Variants in RIMS1 observed in about 807,000 individuals in gnomAD.
RIMS1 encodes the protein regulating synaptic membrane exocytosis protein 1.
Under a neutral mutation model 214.1 loss-of-function variants are expected in RIMS1, and 83 were observed. That is an observed-to-expected ratio of 0.39 (90% confidence interval 0.32 to 0.47). RIMS1 has a LOEUF of 0.47. Among genes scored for constraint, RIMS1 ranks in the 20% least tolerant of loss-of-function variants. The probability of loss-of-function intolerance (pLI) is 0.99; values close to 1 mark genes in which losing one functional copy is unlikely to be tolerated. For missense variants in RIMS1, 2,050 were observed against 2,161.8 expected, an observed-to-expected ratio of 0.95 and a Z score of 1.03; for synonymous variants, 793 against 786.8, an observed-to-expected ratio of 1.01 and a Z score of -0.13.
intron 24 of RIMS1, 128 bp from the exon 25 acceptor site, chr6:72,290,551 G>A (rs998188010): frequency 5.0e-5 from 36 of 717,728 alleles, no homozygotes; most frequent in South Asian, 3.6e-4. Context: ...CAATAATTGC[G>A]TGATGGGTTC....
chr6:72,400,693 G>T lies in RIMS1; in HGVS notation c.5058G>T (p.Gly1686=). The T allele has an allele frequency of 6.2e-7, 1 of 1,613,298 alleles. No homozygotes were observed. Among genetic ancestry groups the T allele is most frequent in the African/African-American group, 1.3e-5 (1 of 75,018 alleles). ...ASQSSLESST[G]PPCIRS Reference sequence around the variant, plus strand: ...AGTCATCTCTGGAAAGTTCAACTGGGCCTCCCTGTATTCGATCATAGTGAA... The same window carrying T: ...AGTCATCTCTGGAAAGTTCAACTGGTCCTCCCTGTATTCGATCATAGTGAA... The change falls in exon 34 of 34, where the codon GGG becomes GGT. Residue 1686 remains glycine (G), a synonymous_variant. Transcript: ENST00000521978.
chr6:72,154,457 A>G (rs2044177909), intron 4 of RIMS1, among the ~76,000 whole-genome samples: 1 of 141,262 alleles, frequency 7.1e-6, no homozygotes, highest in African/African-American at 2.5e-5. Context: ...CAAAAAATCT[A>G]AAGACTAATG....
At chr6:72,237,751 AT>A in intron 8 of RIMS1, 71 bp from the exon 9 acceptor site, 1 of 1,076,980 alleles carries the variant, frequency 9.3e-7, no homozygotes. Flanking sequence ...AGAATGTAGG[AT>A]TAATTCCTCA....
rs112180092 is a variant in RIMS1, at chr6:72,362,435, C to T, written c.4367-28163C>T. Among the ~76,000 whole-genome samples the T allele has an allele frequency of 7.5e-3, 1,131 of 151,736 alleles. 15 individuals carry two copies. The highest frequency in any genetic ancestry group is 0.026 in the African/African-American group (1,074 of 41,396). ...GAGACAGATTTAGGTTTTACAGGGT[C>T]GGAATTTTGTGGAAAGCCCTCTTGA... On this transcript the variant is annotated intron_variant, in intron 29 of 33. Coordinates refer to ENST00000521978, the MANE Select transcript of RIMS1 (RefSeq NM_014989.7).
chr6:72,036,154 C>T (rs1819549165), intron 2 of RIMS1, among the ~76,000 whole-genome samples: 1 of 152,086 alleles, frequency 6.6e-6, no homozygotes, highest in Non-Finnish European at 1.5e-5. Flanking sequence ...ATGACTGTGG[C>T]AAAGAGTGAA....
intron 29 of RIMS1, among the ~76,000 whole-genome samples, chr6:72,341,172 G>A (rs1345371245): frequency 6.6e-6 from 1 of 152,006 alleles, no homozygotes; most frequent in East Asian, 1.9e-4. Context: ...ACAGCTTAAG[G>A]AGATTTTGGG....
At chr6:72,187,487 T>TTTC (rs1252026388) in intron 6 of RIMS1, among the ~76,000 whole-genome samples, 4 of 148,368 alleles carry the variant, frequency 2.7e-5, no homozygotes, top group Non-Finnish European at 4.5e-5. Context: ...TTGTTTTTTT[T>TTTC]TTTTTTTTGG....
Position 72,251,296 on chromosome 6 carries a change from C to A in RIMS1, c.2626C>A (p.Pro876Thr). Residue 876 changes from proline to threonine, a missense_variant, in exon 15 of 34, where the codon CCT (proline) becomes ACT (threonine). Physicochemically the swap from Pro to Thr is conservative, Grantham distance 38. This residue lies in a region of RIMS1 where 889 missense variants were observed against 885.5 expected (regional missense o/e 1.00). Coordinates refer to ENST00000521978, the MANE Select transcript of RIMS1 (RefSeq NM_014989.7). ...TCAGACACATGATGAGTCTTCACTA[C>A]CTCTGCCTCAGCCATCACCTTTCAT... ...KLQTHDESSL[P>T]LPQPSPFMPR... 6.3e-7 allele frequency: 1 copy of A among 1,599,890 alleles called. No homozygotes were observed.
intron 2 of RIMS1, among the ~76,000 whole-genome samples, chr6:72,029,608 T>G (rs1817525823): frequency 6.6e-6 from 1 of 152,156 alleles, no homozygotes; most frequent in Admixed American, 6.6e-5. Flanking sequence ...ATTTCTGTTA[T>G]TTATAAATTA....
chr6:71,956,412 AAC>A (rs1319510558), intron 1 of RIMS1, among the ~76,000 whole-genome samples: 1 of 152,176 alleles, frequency 6.6e-6, no homozygotes, highest in African/African-American at 2.4e-5. Context: ...TTACTATGTA[AAC>A]AGAGTTATTA....
At chr6:72,337,881 G>C (rs935563538) in intron 29 of RIMS1, among the ~76,000 whole-genome samples, 2 of 151,024 alleles carry the variant, frequency 1.3e-5, no homozygotes, top group East Asian at 2.0e-4. Context: ...GAGAATGATG[G>C]TTTCCAGCTT....
intron 4 of RIMS1, among the ~76,000 whole-genome samples, chr6:72,159,295 C>G (rs1257654205): frequency 7.1e-6 from 1 of 140,474 alleles, no homozygotes; most frequent in Non-Finnish European, 1.6e-5. Context: ...TGGATATTAG[C>G]CCTTTGTCAG....
chr6:72,033,890 T>C (rs576322138), intron 2 of RIMS1, among the ~76,000 whole-genome samples: 2 of 152,324 alleles, frequency 1.3e-5, no homozygotes, highest in Admixed American at 1.3e-4. Flanking sequence ...GGTTGGTTTA[T>C]AGAAATTTTT....
chr6:72,004,802 T>G (rs1377978482), intron 2 of RIMS1, among the ~76,000 whole-genome samples: 1 of 151,464 alleles, frequency 6.6e-6, no homozygotes, highest in Non-Finnish European at 1.5e-5. Context: ...TGTGAAAATT[T>G]TCTCCCATTC....
In RIMS1 at chr6:72,182,984, C is replaced by A. The variant is rs747271770; in HGVS notation, c.1513C>A (p.Gln505Lys). Reference protein sequence around the residue: ...MLRNDSLSSDQSESVRPSPPK... With the variant: ...MLRNDSLSSDKSESVRPSPPK... ...GCGGAACGACTCTTTGAGCTCAGAC[C>A]AGTCCGAGTCGGTGCGGCCGTCCCC... Residue 505 changes from glutamine (Q) to lysine (K), a missense_variant, in exon 6 of 34, where the codon CAG becomes AAG. By Grantham distance (53) the Gln-to-Lys change is moderately conservative (BLOSUM62 1). Around this residue, in one of 6 missense-constraint regions of RIMS1, gnomAD observed 882 missense variants for 828.9 expected, o/e 1.06. Transcript: ENST00000521978. 1 of 1,594,272 alleles carries A rather than the reference C, an allele frequency of 6.3e-7. No individual in the cohort carries two copies. Among genetic ancestry groups the A allele is most frequent in the South Asian group, 1.1e-5 (1 of 87,766 alleles).
intron 6 of RIMS1, among the ~76,000 whole-genome samples, chr6:72,228,573 G>T (rs1172876611): frequency 6.6e-6 from 1 of 151,840 alleles, no homozygotes; most frequent in Non-Finnish European, 1.5e-5. Context: ...TCATTTGTCA[G>T]TGAACATTGT....
At position 72,182,517 on chromosome 6, in the gene RIMS1, A is replaced by C. The variant is rs763316706; in HGVS notation, c.1046A>C (p.Glu349Ala). 1.7e-5 allele frequency: 27 copies of C among 1,584,564 alleles called. No individual in the cohort carries two copies. In the Admixed American group the frequency reaches 2.2e-4, roughly 13 times the overall value. ...AADEEKQRKEEDYQTRYRSDP... is the reference protein window; with the variant it reads ...AADEEKQRKEADYQTRYRSDP... ...GATGAGGAAAAGCAAAGAAAAGAGG[A>C]GGATTATCAGACCAGGTACCGCAGC... is the stretch of plus-strand genomic sequence containing the variant. Residue 349 changes from glutamate to alanine, a missense_variant, in exon 6 of 34, where the codon GAG (glutamate) becomes GCG (alanine). Physicochemically the swap from Glu to Ala is moderately radical, Grantham distance 107. Around this residue, in one of 6 missense-constraint regions of RIMS1, gnomAD observed 882 missense variants for 828.9 expected, o/e 1.06. Coordinates refer to ENST00000521978, the MANE Select transcript of RIMS1 (RefSeq NM_014989.7).
In RIMS1 at chr6:71,890,596, A is replaced by AAAAAAAAAAAAC. The variant is rs1554194854; in HGVS notation, c.164+3410_164+3411insAAAAAAAAAACA. ...AAAAAAAAAAAAAAAAAAAAAAAAA[A>AAAAAAAAAAAAC]ACTTCATAGAGAAAGCAGCTACTGA... On this transcript the variant is annotated intron_variant, in intron 1 of 33. Transcript: ENST00000521978. 7.0e-4 allele frequency among the ~76,000 whole-genome samples: 79 copies of AAAAAAAAAAAAC among 112,932 alleles called. 15 individuals carry two copies. Among genetic ancestry groups the AAAAAAAAAAAAC allele is most frequent in the Non-Finnish European group, 1.0e-3 (56 of 56,270 alleles). 74.1% of individuals were successfully genotyped at this position (112,932 alleles called of 152,430 possible).
At chr6:72,083,308 T>C (rs917327291) in intron 2 of RIMS1, among the ~76,000 whole-genome samples, 1 of 152,198 alleles carries the variant, frequency 6.6e-6, no homozygotes, top group Non-Finnish European at 1.5e-5. Context: ...TTTATAAATA[T>C]CAGATTTTTA....
Sources: allele counts gnomAD v4.1 joint callset (sites outside exome capture counted in the v4.1 genomes callset), GRCh38; gene constraint gnomAD v4.1.1; regional missense constraint gnomAD v4.1.1; transcripts MANE v1.5; gene names NCBI Gene and HGNC (gene_info 2026-07-23, HGNC 2026-07-21).